UBA6: variants seen among roughly 807,000 people sequenced by gnomAD.
The protein encoded by UBA6 is ubiquitin like modifier activating enzyme 6, also known as ubiquitin-like modifier-activating enzyme 6.
Under a neutral mutation model 148.3 loss-of-function variants are expected in UBA6, and 87 were observed. That is an observed-to-expected ratio of 0.59 (90% CI 0.49 to 0.70). The LOEUF (loss-of-function observed/expected upper bound fraction) is 0.70. Among genes scored for constraint, UBA6 ranks in the 30% least tolerant of loss-of-function variants. The probability of loss-of-function intolerance (pLI) is 0.00; values close to 1 mark genes in which losing one functional copy is unlikely to be tolerated. For missense variants in UBA6, 1,186 were observed against 1,241.2 expected (o/e 0.96, Z 0.67); for synonymous variants, 376 against 401.0 (o/e 0.94, Z 0.75).
At chr4:67,695,917 A>G (rs1301193213) in intron 2 of UBA6, among the ~76,000 whole-genome samples, 3 of 152,176 alleles carry the variant, frequency 2.0e-5, no homozygotes, top group African/African-American at 7.2e-5. Flanking sequence ...AAAGTATTCA[A>G]ATTTCATGAA....
chr4:67,676,438 C>T (rs1275182911), intron 6 of UBA6, among the ~76,000 whole-genome samples: 1 of 152,166 alleles, frequency 6.6e-6, no homozygotes, highest in Non-Finnish European at 1.5e-5. Context: ...ATGAATTCCC[C>T]AGGAAAACCT....
chr4:67,639,795 C>A (rs1453555837), intron 18 of UBA6, among the ~76,000 whole-genome samples: 1 of 151,960 alleles, frequency 6.6e-6, no homozygotes, highest in African/African-American at 2.4e-5. Flanking sequence ...TAAAACAATA[C>A]AATCATAACA....
intron 19 of UBA6, among the ~76,000 whole-genome samples, chr4:67,636,537 G>A (rs1030401888): frequency 7.2e-5 from 11 of 152,322 alleles, no homozygotes; most frequent in South Asian, 4.1e-4. Context: ...GATTGCAGGC[G>A]CGCACCGCCA....
chr4:67,666,754 G>A (rs571391187), intron 9 of UBA6, among the ~76,000 whole-genome samples: 190 of 151,910 alleles, frequency 1.3e-3, no homozygotes, highest in Non-Finnish European at 1.9e-3. Flanking sequence ...ACACACCCGT[G>A]GTCCCAGTTA....
At chr4:67,676,122 C>G (rs1410139866) in intron 6 of UBA6, among the ~76,000 whole-genome samples, 1 of 148,554 alleles carries the variant, frequency 6.7e-6, no homozygotes, top group Non-Finnish European at 1.5e-5. Context: ...CTCCCGGGTT[C>G]AAGCGATTCT....
At chr4:67,669,011 A>G (rs1730075706) in intron 8 of UBA6, among the ~76,000 whole-genome samples, 2 of 152,174 alleles carry the variant, frequency 1.3e-5, no homozygotes, top group Admixed American at 1.3e-4. Context: ...AATGTGAGAA[A>G]AAACCATGGG....
rs577393653 is a variant in UBA6, at chr4:67,684,930, T to G, written c.135-2717A>C. On this transcript the variant is annotated intron_variant, in intron 2 of 32. Transcript: ENST00000322244. ...ATAATTTCTATTATTATTCTCATTT[T>G]TACAGATAGGAATACATAAGCACCT... Among the ~76,000 whole-genome samples the G allele has an allele frequency of 5.9e-5, 9 of 152,320 alleles. No homozygotes were observed. In the East Asian group the frequency reaches 1.5e-3, roughly 26 times the overall value.
intron 9 of UBA6, among the ~76,000 whole-genome samples, chr4:67,668,254 C>T (rs890345150): frequency 6.6e-6 from 1 of 152,124 alleles, no homozygotes; most frequent in Non-Finnish European, 1.5e-5. Flanking sequence ...CATAAATGAT[C>T]TTTTTTCAAT....
intron 2 of UBA6, among the ~76,000 whole-genome samples, chr4:67,687,495 T>C (rs1288253999): frequency 6.6e-6 from 1 of 152,212 alleles, no homozygotes; most frequent in Non-Finnish European, 1.5e-5. Flanking sequence ...ACTGTACCAA[T>C]GTTTCTCTAA....
chr4:67,634,577 A>C (rs925793723), intron 20 of UBA6, 59 bp from the exon 21 acceptor site: 6 of 1,267,674 alleles, frequency 4.7e-6, no homozygotes, highest in Non-Finnish European at 6.5e-6. Flanking sequence ...ATTTTTATTG[A>C]TTTAATCTAG....
chr4:67,674,721 A>G (rs549405896), intron 6 of UBA6, among the ~76,000 whole-genome samples: 74 of 152,332 alleles, frequency 4.9e-4, no homozygotes, highest in African/African-American at 1.7e-3. Context: ...TGTTTGATCA[A>G]TGTTAGAAAA....
At chr4:67,640,533 G>A (rs1729280421) in intron 18 of UBA6, among the ~76,000 whole-genome samples, 1 of 152,008 alleles carries the variant, frequency 6.6e-6, no homozygotes, top group African/African-American at 2.4e-5. Flanking sequence ...AGGCTGGTCG[G>A]GAACTCCTAA....
chr4:67,692,745 G>A (rs1338630128), intron 2 of UBA6, among the ~76,000 whole-genome samples: 6 of 152,214 alleles, frequency 3.9e-5, no homozygotes, highest in African/African-American at 1.2e-4. Context: ...TTCTAGATCA[G>A]GGCATCATAA....
chr4:67,639,828 T>C (rs1729261384), intron 18 of UBA6, among the ~76,000 whole-genome samples: 1 of 152,138 alleles, frequency 6.6e-6, no homozygotes, highest in East Asian at 1.9e-4. Context: ...AAAAGGCATA[T>C]GAATATGGTC....
intron 2 of UBA6, among the ~76,000 whole-genome samples, chr4:67,691,616 G>T (rs2711142): frequency 6.6e-6 from 1 of 152,108 alleles, no homozygotes; most frequent in African/African-American, 2.4e-5. Flanking sequence ...AACCTTGAAT[G>T]ACATCATGGG....
rs1476807924 is a variant in UBA6, at chr4:67,613,614, CT to C, written c.*5382del. Reference sequence around the variant, plus strand: ...TGGCCAGATATCAAGAATATATCAGCTACAATGATGATGATGATGGTATACT... The same window carrying C: ...TGGCCAGATATCAAGAATATATCAGCACAATGATGATGATGATGGTATACT... On this transcript the variant is annotated 3_prime_UTR_variant, in exon 33 of 33. Transcript: ENST00000322244. The C allele has an allele frequency of 3.1e-5, 4 of 128,456 alleles. No individual in the cohort carries two copies. Among genetic ancestry groups the C allele is most frequent in the Non-Finnish European group, 7.0e-5 (4 of 57,222 alleles). 8.0% of individuals were successfully genotyped at this position (128,456 alleles called of 1,614,324 possible). A position where few individuals can be genotyped will look rare whatever the true frequency, so the allele number is the denominator to read the frequency against.
Position 67,631,881 on chromosome 4 carries a change from G to C in UBA6, c.2170C>G (p.Leu724Val). The C allele has an allele frequency of 6.2e-7, 1 of 1,611,964 alleles. No individual in the cohort carries two copies. Among genetic ancestry groups the C allele is most frequent in the South Asian group, 1.1e-5 (1 of 90,606 alleles). The change falls in exon 24 of 33, where the codon CTG (leucine) becomes GTG (valine). Residue 724 changes from leucine to valine, a missense_variant. Physicochemically the swap from Leu to Val is conservative, Grantham distance 32. Coordinates refer to ENST00000322244, the MANE Select transcript of UBA6 (RefSeq NM_018227.6). ...CTGCCATCTTTTAATCGTATGTCCA[G>C]AGGGAAACAGTGAAGAAGCTGAAGA... is the stretch of plus-strand genomic sequence containing the variant. ...KALQLLHCFP[L>V]DIRLKDGSLF...
intron 17 of UBA6, 122 bp from the exon 18 acceptor site, chr4:67,641,350 CATA>C: frequency 1.7e-6 from 1 of 602,968 alleles, no homozygotes; most frequent in East Asian, 2.8e-5. Flanking sequence ...TGGTAAAGGT[CATA>C]ATGATACAAA....
intron 6 of UBA6, among the ~76,000 whole-genome samples, chr4:67,676,983 T>C (rs942800209): frequency 1.3e-5 from 2 of 152,154 alleles, no homozygotes; most frequent in African/African-American, 2.4e-5. Flanking sequence ...ATTTAAGGAA[T>C]TGTTACCTAT....
Sources: allele counts gnomAD v4.1 joint callset (sites outside exome capture counted in the v4.1 genomes callset), GRCh38; gene constraint gnomAD v4.1.1; transcripts MANE v1.5; gene names NCBI Gene and HGNC (gene_info 2026-07-23, HGNC 2026-07-21).